The following ARHGAP39 variants were observed in gnomAD, a reference collection of about 807,000 sequenced individuals.
ARHGAP39 encodes Rho GTPase activating protein 39.
Under a neutral mutation model 106.9 loss-of-function variants are expected in ARHGAP39, and 44 were observed. The observed-to-expected ratio is 0.41, with a 90% CI of 0.32 to 0.53. The LOEUF (loss-of-function observed/expected upper bound fraction) is 0.53. Ranked by LOEUF, ARHGAP39 falls within the 20% of genes least tolerant of loss-of-function variation. The pLI is 0.21. For missense variants in ARHGAP39, 1,496 were observed against 1,577.3 expected (o/e 0.95, Z 0.87); for synonymous variants, 768 against 693.2 (o/e 1.11, Z -1.69).
rs1438527719 is a variant in ARHGAP39 at position 144,548,844 on chromosome 8, C to G, written c.597-355G>C. Among the ~76,000 whole-genome samples the G allele has an allele frequency of 2.0e-5, 3 of 152,306 alleles. No individual in the cohort carries two copies. Among genetic ancestry groups the G allele is most frequent in the African/African-American group, 7.2e-5 (3 of 41,560 alleles). On this transcript the variant is annotated intron_variant, in intron 4 of 11. Transcript: ENST00000377307. This position sits in a 1 kb window ranked among gnomAD's most constrained non-coding sequence, Gnocchi z 7.4. ...GCTGCCTGAGCCGCCGGGCAGGCTC[C>G]TGGGCCCTGTGTTCCTGCTGAGCAG... is the stretch of plus-strand genomic sequence containing the variant.
At chr8:144,564,152 T>C (rs1024115056) in intron 3 of ARHGAP39, among the ~76,000 whole-genome samples, 2 of 152,250 alleles carry the variant, frequency 1.3e-5, no homozygotes, top group Non-Finnish European at 2.9e-5. Context: ...ACACCAGTAT[T>C]TGGCAGTAGC....
intron 7 of ARHGAP39, among the ~76,000 whole-genome samples, chr8:144,537,118 C>T (rs952572127): frequency 2.0e-5 from 3 of 151,888 alleles, no homozygotes; most frequent in Middle Eastern, 3.2e-3. Context: ...CCTGGGTTCA[C>T]AGGGCTTTCC....
chr8:144,627,666 G>T (rs1035199254), intron 1 of ARHGAP39, among the ~76,000 whole-genome samples: 1 of 152,162 alleles, frequency 6.6e-6, no homozygotes, highest in African/African-American at 2.4e-5. Context: ...GCTGAGGTGG[G>T]AGGATCACTT....
chr8:144,581,420 CCT>C (rs1418331974), intron 2 of ARHGAP39, 143 bp from the exon 3 acceptor site: 13 of 987,178 alleles, frequency 1.3e-5, no homozygotes, highest in Non-Finnish European at 1.8e-5. Flanking sequence ...CCAGTCCGCC[CCT>C]GACTGCTGTG....
the ARHGAP39 span, among the ~76,000 whole-genome samples, chr8:144,692,162 A>G: frequency 6.6e-6 from 1 of 150,840 alleles, no homozygotes; most frequent in South Asian, 2.1e-4. Context: ...TCTCCCCACC[A>G]CTTCCCTCTT....
chr8:144,534,298 G>A, intron 7 of ARHGAP39, 96 bp from the exon 8 acceptor site: 1 of 1,414,564 alleles, frequency 7.1e-7, no homozygotes, highest in Non-Finnish European at 9.9e-7. Flanking sequence ...GGGCCCTGGG[G>A]GGCTGGGCTG....
rs1182963685 is a variant in ARHGAP39, at chr8:144,547,871, G to A, written c.1215C>T (p.Gly405=). Residue 405 remains glycine (G), a synonymous_variant, in exon 5 of 12, where the codon GGC becomes GGT. Transcript: ENST00000377307. The surrounding 1 kb of genome is among the most constrained non-coding windows in gnomAD (Gnocchi z 5.2). Reference sequence around the variant, plus strand: ...GGCCGGCGCGCAGCTTGGGGCTGGAGCCCGCCTGCTCCACGTAGACCAGCT... The same window carrying A: ...GGCCGGCGCGCAGCTTGGGGCTGGAACCCGCCTGCTCCACGTAGACCAGCT... The part of the protein sequence containing the change: ...VRQLVYVEQA[G]SSPKLRAGPR... The A allele has an allele frequency of 1.9e-6, 3 of 1,584,826 alleles. No homozygotes were observed. Among genetic ancestry groups the A allele is most frequent in the Non-Finnish European group, 2.6e-6 (3 of 1,166,226 alleles).
chr8:144,616,807 TA>T (rs1281002676), intron 1 of ARHGAP39, among the ~76,000 whole-genome samples: 2 of 152,378 alleles, frequency 1.3e-5, no homozygotes, highest in East Asian at 3.9e-4. Context: ...CAAACCTCTT[TA>T]AAAAATGATT....
chr8:144,536,552 T>C (rs1207481003), intron 7 of ARHGAP39, among the ~76,000 whole-genome samples: 2 of 152,220 alleles, frequency 1.3e-5, no homozygotes, highest in African/African-American at 4.8e-5. Context: ...CCTTCTACGC[T>C]GCCCCAGATG....
chr8:144,548,026 G>A lies in ARHGAP39; in HGVS notation c.1060C>T (p.Arg354Trp). The A allele has an allele frequency of 2.5e-6, 4 of 1,607,106 alleles. No individual in the cohort carries two copies. The highest frequency in any genetic ancestry group is 1.1e-5 in the South Asian group (1 of 90,858). The stretch of plus-strand genomic sequence containing the variant: ...TGCTTGTTGGGCTGGAGGAACGGCC[G>A]GGGCTTACGGCCCGGCGACCGCTGG... ...SPQRSPGRKP[R>W]PFLQPNKQGP... The change falls in exon 5 of 12, where the codon CGG (arginine) becomes TGG (tryptophan). Residue 354 changes from arginine to tryptophan, a missense_variant. Physicochemically the swap from Arg to Trp is moderately radical, Grantham distance 101 (BLOSUM62 -3). Around this residue, in one of 4 missense-constraint regions of ARHGAP39, gnomAD observed 905 missense variants for 816.4 expected, o/e 1.11. Coordinates refer to ENST00000377307, the MANE Select transcript of ARHGAP39 (RefSeq NM_025251.3). The surrounding 1 kb of genome is among the most constrained non-coding windows in gnomAD (Gnocchi z 7.4).
rs1046862485 is a variant in ARHGAP39, at chr8:144,530,936, C to G, written c.2981-65G>C. ...GGCACCCCTGGGCCAAATGGGGTCCCGTGGCGGACATGCATGGAGGGGTGC... is the reference window on the plus strand; with the variant it reads ...GGCACCCCTGGGCCAAATGGGGTCCGGTGGCGGACATGCATGGAGGGGTGC... On this transcript the variant is annotated intron_variant, in intron 10 of 11. Transcript: ENST00000377307. The G allele has an allele frequency of 5.2e-6, 8 of 1,547,186 alleles. No individual in the cohort carries two copies. The East Asian group carries it at 1.8e-4, about 36-fold the overall frequency.
At chr8:144,561,331 CTTTCCATCACATCCCAGTGG>C (rs1818141289) in intron 3 of ARHGAP39, among the ~76,000 whole-genome samples, 1 of 140,886 alleles carries the variant, frequency 7.1e-6, no homozygotes, top group Non-Finnish European at 1.5e-5. Flanking sequence ...GACCCCAGTG[CTTTCCATCACATCCCAGTGG>C]TTTCCATCGG....
chr8:144,562,429 C>T (rs113675714), intron 3 of ARHGAP39, among the ~76,000 whole-genome samples: 2,233 of 134,258 alleles, frequency 0.017, 43 homozygotes, highest in African/African-American at 0.061. Flanking sequence ...CCATCGGACC[C>T]CAGTGGTTTC....
intron 1 of ARHGAP39, among the ~76,000 whole-genome samples, chr8:144,639,493 T>C (rs1586631574): frequency 6.6e-6 from 1 of 152,166 alleles, no homozygotes; most frequent in East Asian, 1.9e-4. Flanking sequence ...CACAGATGTC[T>C]TCCTGGTCAA....
intron 3 of ARHGAP39, among the ~76,000 whole-genome samples, chr8:144,562,319 C>T (rs1479012134): frequency 6.6e-6 from 1 of 150,402 alleles, no homozygotes; most frequent in African/African-American, 2.5e-5. Context: ...CCAGTGGTTT[C>T]CATCACGCTC....
At chr8:144,653,959 CCA>C (rs765054236) in intron 1 of ARHGAP39, among the ~76,000 whole-genome samples, 80 of 152,336 alleles carry the variant, frequency 5.3e-4, no homozygotes, top group Non-Finnish European at 9.4e-4. Flanking sequence ...ACTTTCCAGA[CCA>C]CGCGGACAGA....
At chr8:144,538,637 A>G (rs1453838137) in intron 6 of ARHGAP39, among the ~76,000 whole-genome samples, 1 of 151,918 alleles carries the variant, frequency 6.6e-6, no homozygotes. Flanking sequence ...GCTCACTGCA[A>G]CCTCCACCCA....
At chr8:144,573,008 TG>T (rs1331502959) in intron 3 of ARHGAP39, among the ~76,000 whole-genome samples, 5 of 152,246 alleles carry the variant, frequency 3.3e-5, no homozygotes, top group Admixed American at 6.5e-5. Context: ...TTGGTGGGAC[TG>T]TAAACTAGTT....
rs1819410927 is a variant in ARHGAP39 at position 144,591,818 on chromosome 8, G to A, written c.81-10541C>T. On this transcript the variant is annotated intron_variant, in intron 2 of 11. Transcript: ENST00000377307. The surrounding 1 kb of genome is among the most constrained non-coding windows in gnomAD (Gnocchi z 5.3). ...ACAGCACAGCCTCCCTGCCTGGAAG[G>A]AACAGGCCCCGTGTGCCAGGGCGGC... Among the ~76,000 whole-genome samples, 1 of 152,220 alleles carries A rather than the reference G, an allele frequency of 6.6e-6. No homozygotes were observed. Among genetic ancestry groups the A allele is most frequent in the African/African-American group, 2.4e-5 (1 of 41,464 alleles).
Sources: gnomAD v4.1 joint callset for allele counts (sites outside exome capture counted in the v4.1 genomes callset) on GRCh38, gnomAD v4.1.1 for gene constraint, gnomAD v4.1.1 regional missense constraint, Gnocchi (gnomAD v3.1) non-coding constraint, MANE v1.5 for transcripts, NCBI Gene and HGNC (gene_info 2026-07-23, HGNC 2026-07-21) for gene names.